Variants in BICD1 observed in about 807,000 individuals in gnomAD.
The protein encoded by BICD1 is protein bicaudal D homolog 1.
BICD1 carries 35 observed loss-of-function variants against 92.5 expected under a neutral mutation model. The observed-to-expected ratio is 0.38, with a 90% CI of 0.29 to 0.50. BICD1 has a LOEUF of 0.50. Ranked by LOEUF, BICD1 falls within the 20% of genes least tolerant of loss-of-function variation. The pLI is 0.93. For synonymous variants in BICD1, 429 were observed against 465.1 expected, an observed-to-expected ratio of 0.92 and a Z score of 1.00; for missense variants, 950 against 1,189.8, an observed-to-expected ratio of 0.80 and a Z score of 2.97.
At chr12:32,167,275 A>T (rs1387076462) in intron 1 of BICD1, among the ~76,000 whole-genome samples, 1 of 152,246 alleles carries the variant, frequency 6.6e-6, no homozygotes, top group Non-Finnish European at 1.5e-5. Flanking sequence ...AATAAAAATG[A>T]AAAATAAATT....
At chr12:32,254,212 G>GC (rs1946656847) in intron 2 of BICD1, among the ~76,000 whole-genome samples, 1 of 133,184 alleles carries the variant, frequency 7.5e-6, no homozygotes, top group South Asian at 2.4e-4. Flanking sequence ...CATAATCACT[G>GC]CCATATTCCA....
Position 32,232,135 on chromosome 12 carries a change from T to C in BICD1, c.426+15676T>C, listed in dbSNP as rs375887689. Among the ~76,000 whole-genome samples the C allele has an allele frequency of 8.2e-3, 1,236 of 151,332 alleles. 13 individuals are homozygous for C. The highest frequency in any genetic ancestry group is 0.021 in the African/African-American group (864 of 41,192). On this transcript the variant is annotated intron_variant, in intron 2 of 9. Transcript: ENST00000652176. ...GGATGGCTGGGTCAAATGGTATTTC[T>C]AGTTCTAGATCCCTGAGGAATCGCC...
At chr12:32,107,647 T>C in intron 1 of BICD1, 103 bp downstream of exon 1, 2 of 1,260,620 alleles carry the variant, frequency 1.6e-6, no homozygotes, top group Non-Finnish European at 2.2e-6. Context: ...TTGAAAGGAC[T>C]GTTTTTTCTT....
intron 1 of BICD1, among the ~76,000 whole-genome samples, chr12:32,182,835 G>A (rs902033880): frequency 2.1e-5 from 3 of 144,272 alleles, no homozygotes; most frequent in African/African-American, 7.6e-5. Context: ...ACAGAGCTTT[G>A]TACACTGGGT....
chr12:32,125,617 A>T (rs1942299798), intron 1 of BICD1, among the ~76,000 whole-genome samples: 1 of 152,154 alleles, frequency 6.6e-6, no homozygotes, highest in African/African-American at 2.4e-5. Flanking sequence ...CATCTGACTA[A>T]CCTTCCTGCT....
chr12:32,306,053 C>A lies in BICD1; in HGVS notation c.936C>A (p.Asn312Lys). The A allele has an allele frequency of 1.2e-6, 2 of 1,614,002 alleles. No individual in the cohort carries two copies. Among genetic ancestry groups the A allele is most frequent in the East Asian group, 4.5e-5 (2 of 44,884 alleles). The change falls in exon 4 of 10, where the codon AAC (asparagine) becomes AAA (lysine). Residue 312 changes from asparagine (N) to lysine (K), a missense_variant. This residue lies in a region of BICD1 where 246 missense variants were observed against 258.4 expected (regional missense o/e 0.95). Transcript: ENST00000652176. ...CCTTAAGGAAAGGAGAGTCTCTGAA[C>A]CCTGTCTCTGACTTATTCAGTGAGC... ...TPTLRKGESLNPVSDLFSELN... is the reference protein window; with the variant it reads ...TPTLRKGESLKPVSDLFSELN...
intron 1 of BICD1, among the ~76,000 whole-genome samples, chr12:32,146,259 A>C (rs1437287294): frequency 6.6e-6 from 1 of 152,226 alleles, no homozygotes; most frequent in Non-Finnish European, 1.5e-5. Context: ...ATGTTAGCCA[A>C]TAGTGCCTCA....
intron 1 of BICD1, among the ~76,000 whole-genome samples, chr12:32,168,655 G>A (rs537329367): frequency 2.6e-5 from 4 of 152,222 alleles, no homozygotes; most frequent in South Asian, 2.1e-4. Flanking sequence ...TCTCTTAATC[G>A]GGTCCACTGT....
At chr12:32,173,586 A>C (rs1944014518) in intron 1 of BICD1, among the ~76,000 whole-genome samples, 1 of 152,202 alleles carries the variant, frequency 6.6e-6, no homozygotes, top group South Asian at 2.1e-4. Context: ...GGCTAGAGTC[A>C]TGTTCACCTA....
At chr12:32,176,935 A>C (rs2121519496) in intron 1 of BICD1, among the ~76,000 whole-genome samples, 1 of 151,752 alleles carries the variant, frequency 6.6e-6, no homozygotes, top group African/African-American at 2.4e-5. Context: ...AATTCCCAAG[A>C]GTGTAATTGC....
rs781712930 is a variant in BICD1, at chr12:32,361,778, G to A, written c.2765-5892G>A. 2.0e-5 allele frequency among the ~76,000 whole-genome samples: 3 copies of A among 152,096 alleles called. No individual in the cohort carries two copies. The East Asian group carries it at 5.8e-4, about 29-fold the overall frequency. On this transcript the variant is annotated intron_variant, in intron 8 of 9. Coordinates refer to ENST00000652176, the MANE Select transcript of BICD1 (RefSeq NM_001714.4). The stretch of plus-strand genomic sequence containing the variant: ...GGAAAATGAGGAGGTGGAGTCAAGC[G>A]ATGCTACAGGAGACTGTTTGCCACA...
At chr12:32,213,430 C>G (rs1177265075) in intron 1 of BICD1, among the ~76,000 whole-genome samples, 1 of 152,154 alleles carries the variant, frequency 6.6e-6, no homozygotes, top group African/African-American at 2.4e-5. Context: ...GGGTCTCCAT[C>G]TGTTGCCCTG....
At position 32,305,919 on chromosome 12, in the gene BICD1, G is replaced by A; in HGVS notation, c.802G>A (p.Asp268Asn). 2 of 1,614,198 alleles carry A rather than the reference G, an allele frequency of 1.2e-6. No individual in the cohort carries two copies. Among genetic ancestry groups the A allele is most frequent in the Non-Finnish European group, 1.7e-6 (2 of 1,180,038 alleles). ...LNDNHISISV[D>N]GLKFAEDGSE... is the part of the protein sequence containing the mutation. ...TGATAACCATATCAGCATCTCAGTA[G>A]ATGGACTCAAATTTGCCGAGGATGG... Residue 268 changes from aspartate (D) to asparagine (N), a missense_variant, in exon 4 of 10, where the codon GAT becomes AAT. Coordinates refer to ENST00000652176, the MANE Select transcript of BICD1 (RefSeq NM_001714.4).
At chr12:32,260,901 A>C (rs369385821) in intron 2 of BICD1, among the ~76,000 whole-genome samples, 1 of 152,166 alleles carries the variant, frequency 6.6e-6, no homozygotes, top group East Asian at 1.9e-4. Context: ...GGGTCTTAAA[A>C]CTTAAACTGC....
At chr12:32,284,089 G>A (rs971515377) in intron 2 of BICD1, among the ~76,000 whole-genome samples, 2 of 152,182 alleles carry the variant, frequency 1.3e-5, no homozygotes, top group Non-Finnish European at 2.9e-5. Flanking sequence ...TGGGGTGGGG[G>A]GCAAGGAGAA....
intron 1 of BICD1, among the ~76,000 whole-genome samples, chr12:32,208,075 T>C (rs956980220): frequency 6.6e-6 from 1 of 152,228 alleles, no homozygotes; most frequent in Non-Finnish European, 1.5e-5. Context: ...GTACGAATTT[T>C]ATATCTCTTA....
At chr12:32,239,925 A>G (rs1024832331) in intron 2 of BICD1, among the ~76,000 whole-genome samples, 4 of 152,112 alleles carry the variant, frequency 2.6e-5, no homozygotes, top group African/African-American at 7.2e-5. Flanking sequence ...GCATTTTTTA[A>G]TTAAGGTATG....
intron 4 of BICD1, among the ~76,000 whole-genome samples, chr12:32,308,383 G>A (rs1025300404): frequency 1.1e-4 from 16 of 152,138 alleles, no homozygotes; most frequent in Non-Finnish European, 1.8e-4. Flanking sequence ...ATTCTTAGAG[G>A]ACAGCACTTT....
At chr12:32,242,124 A>T (rs895898369) in intron 2 of BICD1, among the ~76,000 whole-genome samples, 3 of 141,774 alleles carry the variant, frequency 2.1e-5, no homozygotes, top group Non-Finnish European at 4.5e-5. Flanking sequence ...CTGAAGTGGG[A>T]TGATCACCTG....
Sources: allele counts gnomAD v4.1 joint callset (sites outside exome capture counted in the v4.1 genomes callset), GRCh38; gene constraint gnomAD v4.1.1; regional missense constraint gnomAD v4.1.1; transcripts MANE v1.5; gene names NCBI Gene and HGNC (gene_info 2026-07-23, HGNC 2026-07-21).